Variants in NFIX observed in about 807,000 individuals in gnomAD.
NFIX encodes nuclear factor I X.
Under a neutral mutation model 53.3 loss-of-function variants are expected in NFIX, and 2 were observed. That is an observed-to-expected ratio of 0.04 (90% CI 0.02 to 0.12). The LOEUF (loss-of-function observed/expected upper bound fraction) is 0.12, where lower values mean the gene tolerates loss of function less well. Ranked by LOEUF, NFIX falls within the 10% of genes least tolerant of loss-of-function variation. NFIX has a pLI of 1.00. For synonymous variants in NFIX, 244 were observed against 289.0 expected, an observed-to-expected ratio of 0.84 and a Z score of 1.58; for missense variants, 310 against 674.5, an observed-to-expected ratio of 0.46 and a Z score of 5.99.
Position 13,052,221 on chromosome 19 carries a change from A to T in NFIX, c.560-20826A>T, listed in dbSNP as rs1229799447. 1.3e-5 allele frequency among the ~76,000 whole-genome samples: 2 copies of T among 151,970 alleles called. No individual in the cohort carries two copies. Among genetic ancestry groups the T allele is most frequent in the African/African-American group, 4.8e-5 (2 of 41,366 alleles). ...TCGTGAATCTGCATTTCCACCTAGT[A>T]CCCAGGTGCTGTTGGTCCTCCAGGC... On this transcript the variant is annotated intron_variant, in intron 2 of 10. Transcript: ENST00000592199. This position sits in a 1 kb window ranked among gnomAD's most constrained non-coding sequence, Gnocchi z 5.2.
chr19:13,035,670 G>C (rs1168620208), intron 2 of NFIX, among the ~76,000 whole-genome samples: 6 of 152,136 alleles, frequency 3.9e-5, no homozygotes. Flanking sequence ...GTGAGAGACA[G>C]ACAGGTTCCC....
Position 13,075,686 on chromosome 19 carries a change from G to C in NFIX, c.955+15G>C, listed in dbSNP as rs1174249463. On this transcript the variant is annotated intron_variant, in intron 6 of 10. Coordinates refer to ENST00000592199, the MANE Select transcript of NFIX (RefSeq NM_001365902.3). ...TGTGGATGCAGGTATGGGTGCGGGG[G>C]ATCCTGACCCAGAGCAAGGGCAGCC... The C allele has an allele frequency of 5.0e-6, 8 of 1,610,766 alleles. No homozygotes were observed. The East Asian group carries it at 8.9e-5, about 18-fold the overall frequency.
intron 2 of NFIX, among the ~76,000 whole-genome samples, chr19:13,032,035 G>A (rs1033074673): frequency 5.3e-5 from 8 of 151,720 alleles, no homozygotes; most frequent in Non-Finnish European, 1.0e-4. Context: ...TTCAGTGTCC[G>A]ATTCAGAAGT....
rs918425453 is a variant in NFIX at position 13,060,711 on chromosome 19, G to GCCCAGTCT, written c.560-12335_560-12328dup. On this transcript the variant is annotated intron_variant, in intron 2 of 10. Coordinates refer to ENST00000592199, the MANE Select transcript of NFIX (RefSeq NM_001365902.3). This position sits in a 1 kb window ranked among gnomAD's most constrained non-coding sequence, Gnocchi z 4.3. The stretch of plus-strand genomic sequence containing the variant: ...ATTGCGGGGCCAGGGAAGCAACCAG[G>GCCCAGTCT]CCCAGTCTGGGGCCCTGTGAAGCGA... Among the ~76,000 whole-genome samples the GCCCAGTCT allele has an allele frequency of 6.6e-6, 1 of 152,138 alleles. No individual in the cohort carries two copies. The highest frequency in any genetic ancestry group is 1.5e-5 in the Non-Finnish European group (1 of 68,016).
At position 13,080,796 on chromosome 19, in the gene NFIX, C is replaced by T. The variant is rs533949447; in HGVS notation, c.1079-884C>T. 1.2e-4 allele frequency among the ~76,000 whole-genome samples: 18 copies of T among 150,486 alleles called. No homozygotes were observed. The East Asian group carries it at 2.4e-3, about 20-fold the overall frequency. On this transcript the variant is annotated intron_variant, in intron 7 of 10. Coordinates refer to ENST00000592199, the MANE Select transcript of NFIX (RefSeq NM_001365902.3). The stretch of plus-strand genomic sequence containing the variant: ...TGGGCGGATCACAAGGTCAGGAGAT[C>T]GAGACCATTCTGGCTAACACGGTGA...
intron 2 of NFIX, among the ~76,000 whole-genome samples, chr19:13,047,495 A>T (rs1035829808): frequency 1.3e-5 from 2 of 152,138 alleles, no homozygotes; most frequent in African/African-American, 4.8e-5. Context: ...CCCATTAGAA[A>T]ATGTCGGCTC....
In NFIX at chr19:13,068,129, A is replaced by AAAACAG. The variant is rs2016545375; in HGVS notation, c.560-4915_560-4914insCAGAAA. Among the ~76,000 whole-genome samples, 2 of 151,820 alleles carry AAAACAG rather than the reference A, an allele frequency of 1.3e-5. No homozygotes were observed. Among genetic ancestry groups the AAAACAG allele is most frequent in the Admixed American group, 6.5e-5 (1 of 15,278 alleles). On this transcript the variant is annotated intron_variant, in intron 2 of 10. Coordinates refer to ENST00000592199, the MANE Select transcript of NFIX (RefSeq NM_001365902.3). The surrounding 1 kb of genome is among the most constrained non-coding windows in gnomAD (Gnocchi z 4.2). ...CAAAAAAAAAACAAAAACAAAAACA[A>AAAACAG]AAAACAAAAACATGCTGTCAGTTGG...
At chr19:13,064,764 C>G (rs1176779594) in intron 2 of NFIX, among the ~76,000 whole-genome samples, 4 of 152,188 alleles carry the variant, frequency 2.6e-5, no homozygotes, top group African/African-American at 9.7e-5. Flanking sequence ...CTTCCCCCAC[C>G]AGGGTGGGAG....
intron 1 of NFIX, among the ~76,000 whole-genome samples, chr19:13,023,007 T>C (rs1236572828): frequency 6.6e-6 from 1 of 151,712 alleles, no homozygotes; most frequent in Non-Finnish European, 1.5e-5. Context: ...CTCCTCCCCT[T>C]GGACGCAGCC....
At chr19:13,000,430 G>A (rs2011636182) in intron 1 of NFIX, among the ~76,000 whole-genome samples, 1 of 151,990 alleles carries the variant, frequency 6.6e-6, no homozygotes, top group African/African-American at 2.4e-5. Flanking sequence ...GGAGGAGGAG[G>A]AGGCAAGAGG....
rs1181454847 is a variant in NFIX at position 13,089,199 on chromosome 19, G to A, written c.1402+1063G>A. ...ATTGGAGGTGGGCAGGGTGGGGGATGGGAGCTGGGCTACAGGGTTCGGGGG... is the reference window on the plus strand; with the variant it reads ...ATTGGAGGTGGGCAGGGTGGGGGATAGGAGCTGGGCTACAGGGTTCGGGGG... On this transcript the variant is annotated intron_variant, in intron 9 of 10. Coordinates refer to ENST00000592199, the MANE Select transcript of NFIX (RefSeq NM_001365902.3). The surrounding 1 kb of genome is among the most constrained non-coding windows in gnomAD (Gnocchi z 4.8). 6.6e-6 allele frequency among the ~76,000 whole-genome samples: 1 copy of A among 152,236 alleles called. No homozygotes were observed. The highest frequency in any genetic ancestry group is 1.5e-5 in the Non-Finnish European group (1 of 68,036).
rs2013514605 is a variant in NFIX, at chr19:13,028,133, G to GA, written c.559+2585dup. Among the ~76,000 whole-genome samples, 1 of 152,220 alleles carries GA rather than the reference G, an allele frequency of 6.6e-6. No homozygotes were observed. Among genetic ancestry groups the GA allele is most frequent in the African/African-American group, 2.4e-5 (1 of 41,444 alleles). Reference sequence around the variant, plus strand: ...AATAAAAACATTTCTTGCTTTGCTAGAAAATGTCTTCTGTGGCTGAGCCAC... The same window carrying GA: ...AATAAAAACATTTCTTGCTTTGCTAGAAAAATGTCTTCTGTGGCTGAGCCAC... On this transcript the variant is annotated intron_variant, in intron 2 of 10. Coordinates refer to ENST00000592199, the MANE Select transcript of NFIX (RefSeq NM_001365902.3). The surrounding 1 kb of genome is among the most constrained non-coding windows in gnomAD (Gnocchi z 4.2).
Position 13,072,170 on chromosome 19 carries a change from G to T in NFIX, c.560-877G>T, listed in dbSNP as rs1387216007. The stretch of plus-strand genomic sequence containing the variant: ...CTCGCCAGCTGTCATGCCCAGGCAG[G>T]CATTCTGGAGGTCCCCGTTGTGCCC... On this transcript the variant is annotated intron_variant, in intron 2 of 10. Coordinates refer to ENST00000592199, the MANE Select transcript of NFIX (RefSeq NM_001365902.3). The surrounding 1 kb of genome is among the most constrained non-coding windows in gnomAD (Gnocchi z 4.0). 1.3e-5 allele frequency among the ~76,000 whole-genome samples: 2 copies of T among 152,198 alleles called. No individual in the cohort carries two copies. Among genetic ancestry groups the T allele is most frequent in the African/African-American group, 4.8e-5 (2 of 41,452 alleles).
Position 13,089,675 on chromosome 19 carries a change from C to T in NFIX, c.1403-624C>T, listed in dbSNP as rs549219992. On this transcript the variant is annotated intron_variant, in intron 9 of 10. Transcript: ENST00000592199. This position sits in a 1 kb window ranked among gnomAD's most constrained non-coding sequence, Gnocchi z 4.8. The stretch of plus-strand genomic sequence containing the variant: ...CTACCTGGCTCAGACCTCCATTGGG[C>T]ACCCTTTGGGTTCCCCAAGCCTGCC... Among the ~76,000 whole-genome samples the T allele has an allele frequency of 6.6e-6, 1 of 152,348 alleles. No individual in the cohort carries two copies. Among genetic ancestry groups the T allele is most frequent in the Admixed American group, 6.5e-5 (1 of 15,314 alleles).
intron 2 of NFIX, among the ~76,000 whole-genome samples, chr19:13,071,963 C>T (rs1226022954): frequency 1.3e-5 from 2 of 152,236 alleles, no homozygotes; most frequent in Non-Finnish European, 2.9e-5. Flanking sequence ...CAGGTTGAAT[C>T]AGGGTGGTGG....
intron 2 of NFIX, among the ~76,000 whole-genome samples, chr19:13,026,024 G>T (rs1251891627): frequency 6.6e-6 from 1 of 152,178 alleles, no homozygotes; most frequent in Admixed American, 6.5e-5. Flanking sequence ...AGCGGGATGG[G>T]CAGGAGTCCG....
rs1159436229 is a variant in NFIX at position 13,021,356 on chromosome 19, A to G, written c.28-3665A>G. 1.3e-5 allele frequency among the ~76,000 whole-genome samples: 2 copies of G among 152,192 alleles called. No individual in the cohort carries two copies. Among genetic ancestry groups the G allele is most frequent in the East Asian group, 3.9e-4 (2 of 5,182 alleles). Reference sequence around the variant, plus strand: ...ACTTGAGATGGATAATTCAGGGCACAGACTGGGGTCCCAGGTGTTGGGCAG... The same window carrying G: ...ACTTGAGATGGATAATTCAGGGCACGGACTGGGGTCCCAGGTGTTGGGCAG... On this transcript the variant is annotated intron_variant, in intron 1 of 10. Coordinates refer to ENST00000592199, the MANE Select transcript of NFIX (RefSeq NM_001365902.3). This position sits in a 1 kb window ranked among gnomAD's most constrained non-coding sequence, Gnocchi z 4.2.
intron 2 of NFIX, among the ~76,000 whole-genome samples, chr19:13,041,167 G>A (rs1319324310): frequency 1.3e-5 from 2 of 152,232 alleles, no homozygotes; most frequent in Non-Finnish European, 2.9e-5. Flanking sequence ...AAGTTCAGGA[G>A]GCCAAGCCTG....
Position 13,078,760 on chromosome 19 carries a change from G to A in NFIX, c.1078+25G>A. ...GGTGAGAAATGGGGGGCCCCGGAGG[G>A]GGGCAGTTGGGGAGGTGGCTGAGTA... On this transcript the variant is annotated intron_variant, in intron 7 of 10. Coordinates refer to ENST00000592199, the MANE Select transcript of NFIX (RefSeq NM_001365902.3). The surrounding 1 kb of genome is among the most constrained non-coding windows in gnomAD (Gnocchi z 4.7). 6.3e-7 allele frequency: 1 copy of A among 1,579,080 alleles called. No individual in the cohort carries two copies. The highest frequency in any genetic ancestry group is 2.3e-5 in the East Asian group (1 of 43,754).
Sources: allele counts gnomAD v4.1 joint callset (sites outside exome capture counted in the v4.1 genomes callset), GRCh38; gene constraint gnomAD v4.1.1; non-coding constraint Gnocchi (gnomAD v3.1); transcripts MANE v1.5; gene names NCBI Gene and HGNC (gene_info 2026-07-23, HGNC 2026-07-21).